Variants in SETD5 observed in about 807,000 individuals in gnomAD.
SETD5 encodes the protein SET domain containing 5.
In SETD5, 44 loss-of-function variants were observed where a neutral mutation model predicts 153.3. That is an observed-to-expected ratio of 0.29 (90% CI 0.23 to 0.37). The LOEUF is 0.37. SETD5 is among the 10% of genes least tolerant of loss of function. The probability of loss-of-function intolerance (pLI) is 1.00; values close to 1 mark genes in which losing one functional copy is unlikely to be tolerated. For synonymous variants in SETD5, 716 were observed against 645.2 expected, an observed-to-expected ratio of 1.11 and a Z score of -1.66; for missense variants, 1,544 against 1,768.0, an observed-to-expected ratio of 0.87 and a Z score of 2.27.
rs1174149257 is a variant in SETD5, at chr3:9,475,543, C to G, written c.3781C>G (p.Pro1261Ala). The G allele has an allele frequency of 6.2e-7, 1 of 1,613,960 alleles. No individual in the cohort carries two copies. The change falls in exon 23 of 23, where the codon CCC (proline) becomes GCC (alanine). Residue 1261 changes from proline to alanine, a missense_variant. This residue lies in a region of SETD5 where 302 missense variants were observed against 277.6 expected (regional missense o/e 1.09). Coordinates refer to ENST00000402198, the MANE Select transcript of SETD5 (RefSeq NM_001080517.3). Reference protein sequence around the residue: ...SQSLLQQSSSPFRGHPTQSPG... With the variant: ...SQSLLQQSSSAFRGHPTQSPG... ...AAGCCTCCTTCAGCAGAGTTCCTCC[C>G]CCTTCAGAGGACATCCTACACAGTC...
chr3:9,459,545 C>A (rs956893509), intron 17 of SETD5, among the ~76,000 whole-genome samples: 1 of 151,268 alleles, frequency 6.6e-6, no homozygotes, highest in African/African-American at 2.4e-5. Flanking sequence ...CCGAGGCAGG[C>A]GGATCACGAG....
chr3:9,475,936 C>T lies in SETD5; in HGVS notation c.4174C>T (p.Pro1392Ser), dbSNP rs772778752. ...ATCAGACTTACGGACTATCAGTCTG[C>T]CCAGTGCTGGGCAGTCAGCTGTCTA... Reference protein sequence around the residue: ...LPSDLRTISLPSAGQSAVYQA... With the variant: ...LPSDLRTISLSSAGQSAVYQA... The change falls in exon 23 of 23, where the codon CCC (proline) becomes TCC (serine). Residue 1392 changes from proline to serine, a missense_variant. Pro to Ser is a moderately conservative substitution (Grantham distance 74, BLOSUM62 -1). Transcript: ENST00000402198. 2 of 1,614,014 alleles carry T rather than the reference C, an allele frequency of 1.2e-6. No homozygotes were observed. Among genetic ancestry groups the T allele is most frequent in the South Asian group, 1.1e-5 (1 of 91,080 alleles).
chr3:9,447,250 C>A lies in SETD5; in HGVS notation c.1725C>A (p.Thr575=). Residue 575 remains threonine, a synonymous_variant, in exon 14 of 23, where the codon ACC becomes ACA. Coordinates refer to ENST00000402198, the MANE Select transcript of SETD5 (RefSeq NM_001080517.3). ...TTAGCAACTCTGTTTCAAATGTTAC[C>A]ATCCCAAGCACCCCACAGAGTGTTG... The part of the protein sequence containing the change: ...SEVSNSVSNV[T]IPSTPQSVGV... The A allele has an allele frequency of 6.2e-7, 1 of 1,614,014 alleles. No individual in the cohort carries two copies. Among genetic ancestry groups the A allele is most frequent in the Non-Finnish European group, 8.5e-7 (1 of 1,179,878 alleles).
intron 19 of SETD5, among the ~76,000 whole-genome samples, chr3:9,471,484 G>A (rs1486304684): frequency 6.6e-6 from 1 of 152,204 alleles, no homozygotes; most frequent in African/African-American, 2.4e-5. Flanking sequence ...AGTAGAGGGA[G>A]TAGAACAGGT....
At chr3:9,475,180 C>G (rs772940351) in intron 22 of SETD5, 24 bp downstream of exon 22, 1 of 1,558,648 alleles carries the variant, frequency 6.4e-7, no homozygotes. Context: ...TTGCTGGTCT[C>G]TAGCCATAGG....
chr3:9,459,563 G>C (rs375966143), intron 17 of SETD5, among the ~76,000 whole-genome samples: 6 of 151,498 alleles, frequency 4.0e-5, no homozygotes, highest in African/African-American at 1.2e-4. Context: ...GAGGTCAGGA[G>C]ATCCAGACCA....
chr3:9,449,938 G>A (rs950430563), intron 16 of SETD5, among the ~76,000 whole-genome samples: 1 of 152,124 alleles, frequency 6.6e-6, no homozygotes, highest in Non-Finnish European at 1.5e-5. Flanking sequence ...TCCTATTTTG[G>A]TCCTTTAAGG....
intron 21 of SETD5, 52 bp from the exon 22 acceptor site, chr3:9,475,016 T>C (rs1237246514): frequency 4.0e-6 from 6 of 1,487,852 alleles, no homozygotes; most frequent in Non-Finnish European, 4.6e-6. Context: ...GGCTCTTTCT[T>C]ACTTATTCTA....
intron 1 of SETD5, among the ~76,000 whole-genome samples, chr3:9,410,798 T>C (rs2036445600): frequency 6.6e-6 from 1 of 151,114 alleles, no homozygotes; most frequent in Non-Finnish European, 1.5e-5. Context: ...GAAATTTCTG[T>C]TCTTTCTTTT....
chr3:9,407,466 T>A (rs754734029), intron 1 of SETD5, among the ~76,000 whole-genome samples: 6 of 152,196 alleles, frequency 3.9e-5, no homozygotes, highest in Non-Finnish European at 7.3e-5. Flanking sequence ...TTACAGTTTA[T>A]CATGAACAGT....
intron 18 of SETD5, among the ~76,000 whole-genome samples, chr3:9,467,511 C>T (rs2044753058): frequency 1.3e-5 from 2 of 152,124 alleles, no homozygotes; most frequent in Non-Finnish European, 2.9e-5. Context: ...CCTAGATGTA[C>T]ACCACCCACT....
At chr3:9,415,621 C>T (rs781001604) in intron 1 of SETD5, among the ~76,000 whole-genome samples, 4 of 152,092 alleles carry the variant, frequency 2.6e-5, no homozygotes, top group Non-Finnish European at 4.4e-5. Context: ...CTCCTTGTCA[C>T]CCAGGCTGGA....
intron 16 of SETD5, among the ~76,000 whole-genome samples, chr3:9,452,659 A>ATGTTTTTTT (rs1444450526): frequency 1.7e-5 from 1 of 59,812 alleles, no homozygotes; most frequent in Non-Finnish European, 3.2e-5. Flanking sequence ...ATGATGTAAG[A>ATGTTTTTTT]TTTTTTTTTT....
At chr3:9,449,156 C>G (rs2042346692) in intron 16 of SETD5, among the ~76,000 whole-genome samples, 1 of 152,176 alleles carries the variant, frequency 6.6e-6, no homozygotes, top group Non-Finnish European at 1.5e-5. Flanking sequence ...GATCAAATGA[C>G]AAGTCGGACT....
intron 1 of SETD5, among the ~76,000 whole-genome samples, chr3:9,416,755 C>T (rs777112113): frequency 6.6e-6 from 1 of 152,080 alleles, no homozygotes; most frequent in Non-Finnish European, 1.5e-5. Context: ...CAAGGGATAG[C>T]TCCACCCACC....
rs995856475 is a variant in SETD5, at chr3:9,434,346, C to G, written c.190C>G (p.Arg64Gly). Reference sequence around the variant, plus strand: ...TCCCCCTGTCCAGACGATCATCCCTCGTTCTGACCTGAATGGCCTGCCGTC... The same window carrying G: ...TCCCCCTGTCCAGACGATCATCCCTGGTTCTGACCTGAATGGCCTGCCGTC... ...RGLPYATIIP[R>G]SDLNGLPSPV... Residue 64 changes from arginine (R) to glycine (G), a missense_variant, in exon 5 of 23, where the codon CGT becomes GGT. Around this residue, in one of 9 missense-constraint regions of SETD5, gnomAD observed 251 missense variants for 326.9 expected, o/e 0.77. Transcript: ENST00000402198. The surrounding 1 kb of genome is among the most constrained non-coding windows in gnomAD (Gnocchi z 5.6). 6 of 1,613,650 alleles carry G rather than the reference C, an allele frequency of 3.7e-6. No homozygotes were observed. In the African/African-American group the frequency reaches 8.0e-5, roughly 22 times the overall value.
At position 9,477,600 on chromosome 3, in the gene SETD5, G is replaced by T. The variant is rs1292625101; in HGVS notation, c.*1509G>T. The T allele has an allele frequency of 1.3e-5, 2 of 151,396 alleles. No homozygotes were observed. The highest frequency in any genetic ancestry group is 2.4e-5 in the African/African-American group (1 of 40,984). The allele number at this position is 151,396 out of a possible 1,614,324, so 9.4% of individuals were successfully genotyped here. A position where few individuals can be genotyped will look rare whatever the true frequency, so the allele number is the denominator to read the frequency against. On this transcript the variant is annotated 3_prime_UTR_variant, in exon 23 of 23. Coordinates refer to ENST00000402198, the MANE Select transcript of SETD5 (RefSeq NM_001080517.3). ...CTGTCCTACAACTATCATATGCACA[G>T]TCTTCTCTCTTTGTGTGTGACTGTT...
intron 11 of SETD5, among the ~76,000 whole-genome samples, chr3:9,444,051 ACT>A (rs2041638299): frequency 6.6e-6 from 1 of 151,868 alleles, no homozygotes; most frequent in Non-Finnish European, 1.5e-5. Flanking sequence ...ACAGAGGGAG[ACT>A]CTGTCTTAAA....
At chr3:9,444,536 T>TA (rs764770182) in intron 11 of SETD5, among the ~76,000 whole-genome samples, 5 of 149,958 alleles carry the variant, frequency 3.3e-5, no homozygotes, top group Non-Finnish European at 5.9e-5. Context: ...GGGAGGGCTT[T>TA]CTTTTTTTTT....
Sources: allele counts gnomAD v4.1 joint callset (sites outside exome capture counted in the v4.1 genomes callset), GRCh38; gene constraint gnomAD v4.1.1; regional missense constraint gnomAD v4.1.1; non-coding constraint Gnocchi (gnomAD v3.1); transcripts MANE v1.5; gene names NCBI Gene and HGNC (gene_info 2026-07-23, HGNC 2026-07-21).